The following DNAH12 variants were observed in gnomAD, a reference collection of about 807,000 sequenced individuals.
DNAH12 encodes the protein dynein axonemal heavy chain 12.
A neutral mutation model predicts 371.5 loss-of-function variants in DNAH12; 285 were observed. That is an observed-to-expected ratio of 0.77 (90% CI 0.70 to 0.85). DNAH12 has a LOEUF of 0.85. Among genes scored for constraint, DNAH12 ranks in the 40% least tolerant of loss-of-function variants. The probability of loss-of-function intolerance (pLI) is 0.00; values close to 1 mark genes in which losing one functional copy is unlikely to be tolerated. For synonymous variants in DNAH12, 1,200 were observed against 1,213.0 expected (o/e 0.99, Z 0.22); for missense variants, 3,611 against 3,689.4 (o/e 0.98, Z 0.55).
At chr3:57,329,880 A>ACC (rs1359734079) in intron 62 of DNAH12, among the ~76,000 whole-genome samples, 3 of 152,094 alleles carry the variant, frequency 2.0e-5, no homozygotes, top group African/African-American at 7.2e-5. Flanking sequence ...AAAACAAACA[A>ACC]CCCCATCCAA....
At position 57,428,718 on chromosome 3, in the gene DNAH12, C is replaced by T. The variant is rs1232220247; in HGVS notation, c.5168G>A (p.Cys1723Tyr). The change falls in exon 34 of 74, where the codon TGT becomes TAT. Residue 1723 changes from cysteine (C) to tyrosine (Y), a missense_variant. Coordinates refer to ENST00000495027, the MANE Select transcript of DNAH12 (RefSeq NM_001366028.2). ...CAGAAGAGCTTGATATTCTGGTTCA[C>T]ACAGAGGTCCTTTCAGTGAATTCAA... The part of the protein sequence containing the change: ...SWLNSLKGPL[C>Y]EPEYQALLRG... 6.4e-7 allele frequency: 1 copy of T among 1,551,466 alleles called. No homozygotes were observed. Among genetic ancestry groups the T allele is most frequent in the African/African-American group, 1.4e-5 (1 of 73,036 alleles).
intron 60 of DNAH12, among the ~76,000 whole-genome samples, chr3:57,349,430 A>G (rs2062619208): frequency 6.6e-6 from 1 of 152,222 alleles, no homozygotes; most frequent in Non-Finnish European, 1.5e-5. Context: ...AAGAGCTAAA[A>G]GTAGATCTAC....
intron 4 of DNAH12, among the ~76,000 whole-genome samples, chr3:57,513,228 G>A (rs9837327): frequency 0.071 from 10,826 of 151,886 alleles, 1,326 homozygotes; most frequent in African/African-American, 0.25. Flanking sequence ...GGACATAGAT[G>A]AAGCTGGAAG....
intron 39 of DNAH12, among the ~76,000 whole-genome samples, chr3:57,410,750 A>G (rs1463452310): frequency 6.6e-6 from 1 of 151,636 alleles, no homozygotes; most frequent in Non-Finnish European, 1.5e-5. Context: ...TGGGAGGCGG[A>G]GGTTGTAGTG....
intron 2 of DNAH12, among the ~76,000 whole-genome samples, chr3:57,536,525 T>C (rs994649710): frequency 6.6e-6 from 1 of 152,196 alleles, no homozygotes; most frequent in Non-Finnish European, 1.5e-5. Flanking sequence ...ACTAAGCCTG[T>C]ACTAAACTAA....
Position 57,471,574 on chromosome 3 carries a change from AT to A in DNAH12, c.1808del (p.Asn603MetfsTer3). On this transcript the variant is annotated frameshift_variant, in exon 15 of 74. Coordinates refer to ENST00000495027, the MANE Select transcript of DNAH12 (RefSeq NM_001366028.2). LOFTEE classifies it high-confidence loss of function. ...GTTTCTCTCTCTTGGCCATTAGTTC[AT>A]TTTCTTTTTTATGTTTAGCATTCTC... ...LIENAKHKKE[N>X]ELMAKREKLI... The A allele has an allele frequency of 1.3e-6, 2 of 1,545,424 alleles. No homozygotes were observed. Among genetic ancestry groups the A allele is most frequent in the African/African-American group, 1.4e-5 (1 of 72,712 alleles).
intron 45 of DNAH12, among the ~76,000 whole-genome samples, chr3:57,389,844 CT>C (rs1206183437): frequency 1.7e-4 from 11 of 65,540 alleles, no homozygotes; most frequent in South Asian, 5.0e-4. Context: ...ATATATAATA[CT>C]TTTTTTTTTG....
chr3:57,329,541 C>T (rs1163306304), intron 62 of DNAH12, among the ~76,000 whole-genome samples: 3 of 138,712 alleles, frequency 2.2e-5, no homozygotes, highest in Admixed American at 1.5e-4. Flanking sequence ...CCCTTCCTTA[C>T]ACCTTATACA....
rs1435732190 is a variant in DNAH12 at position 57,445,564 on chromosome 3, C to T, written c.4180-145G>A. On this transcript the variant is annotated intron_variant, in intron 27 of 73. Coordinates refer to ENST00000495027, the MANE Select transcript of DNAH12 (RefSeq NM_001366028.2). ...TAAACTCTAATTTTTTTTAGTAGTA[C>T]TTTTAATATTTTTATGCAGTTAGTA... 3.7e-5 allele frequency: 26 copies of T among 695,404 alleles called. No homozygotes were observed. The African/African-American group carries it at 4.1e-4, about 11-fold the overall frequency. The allele number at this position is 695,404 out of a possible 1,614,324, so 43.1% of individuals were successfully genotyped here. A position where few individuals can be genotyped will look rare whatever the true frequency, so the allele number is the denominator to read the frequency against.
intron 55 of DNAH12, among the ~76,000 whole-genome samples, chr3:57,372,432 T>C (rs1458098147): frequency 6.6e-6 from 1 of 151,944 alleles, no homozygotes; most frequent in Non-Finnish European, 1.5e-5. Flanking sequence ...GGAAAAAAGA[T>C]GAAGGTAAAC....
chr3:57,352,344 T>G, intron 59 of DNAH12, 119 bp from the exon 60 acceptor site: 2 of 1,082,408 alleles, frequency 1.8e-6, no homozygotes, highest in East Asian at 5.6e-5. Flanking sequence ...CGTATAAAGA[T>G]ACACACACGA....
intron 49 of DNAH12, among the ~76,000 whole-genome samples, chr3:57,384,176 T>C (rs2063454568): frequency 6.6e-6 from 1 of 152,148 alleles, no homozygotes; most frequent in African/African-American, 2.4e-5. Flanking sequence ...GTCACAGCTG[T>C]ACTGGAAATG....
intron 58 of DNAH12, among the ~76,000 whole-genome samples, chr3:57,358,400 G>T (rs1173357639): frequency 6.6e-6 from 1 of 151,028 alleles, no homozygotes; most frequent in Admixed American, 6.6e-5. Context: ...AGCCCCGGAG[G>T]TAGAGGAAGA....
At chr3:57,421,761 G>T in intron 35 of DNAH12, 55 bp from the exon 36 acceptor site, 1 of 1,543,422 alleles carries the variant, frequency 6.5e-7, no homozygotes, top group South Asian at 1.2e-5. Flanking sequence ...GGCATTTTAG[G>T]AGAAACATTA....
chr3:57,322,217 G>A, intron 65 of DNAH12, 126 bp downstream of exon 65: 4 of 1,074,510 alleles, frequency 3.7e-6, no homozygotes, highest in Non-Finnish European at 5.1e-6. Context: ...TGTCTTGTTA[G>A]GAAATGCGTA....
chr3:57,347,608 G>A (rs9876024), intron 60 of DNAH12, among the ~76,000 whole-genome samples: 52,798 of 151,312 alleles, frequency 0.35, 9,856 homozygotes, highest in African/African-American at 0.47. Context: ...TCCAGCTACT[G>A]GGGAGGCTGA....
At chr3:57,361,427 ATATATACACACACACAC>A (rs2062927606) in intron 58 of DNAH12, among the ~76,000 whole-genome samples, 2 of 132,626 alleles carry the variant, frequency 1.5e-5, no homozygotes, top group African/African-American at 6.6e-5. Context: ...CACACTATAT[ATATATACACACACACAC>A]TATATATATA....
At chr3:57,506,945 T>C (rs1018887485) in intron 8 of DNAH12, among the ~76,000 whole-genome samples, 1 of 151,934 alleles carries the variant, frequency 6.6e-6, no homozygotes, top group African/African-American at 2.4e-5. Flanking sequence ...TCTTTACTTT[T>C]ATTAAATAAT....
chr3:57,400,878 T>C (rs2063842162), intron 43 of DNAH12, among the ~76,000 whole-genome samples: 1 of 152,198 alleles, frequency 6.6e-6, no homozygotes, highest in South Asian at 2.1e-4. Context: ...AACAGATATT[T>C]ACCAAACACT....
Sources: allele counts gnomAD v4.1 joint callset (sites outside exome capture counted in the v4.1 genomes callset), GRCh38; gene constraint gnomAD v4.1.1; transcripts MANE v1.5; gene names NCBI Gene and HGNC (gene_info 2026-07-23, HGNC 2026-07-21).